Variants in MYO3B observed in about 807,000 individuals in gnomAD.
MYO3B encodes myosin IIIB, also known as myosin-IIIb.
Under a neutral mutation model 174.6 loss-of-function variants are expected in MYO3B, and 156 were observed. The ratio of observed to expected loss-of-function variants is 0.89; its 90% confidence interval spans 0.78 to 1.02. The LOEUF (loss-of-function observed/expected upper bound fraction) is 1.02. MYO3B is among the 50% of genes least tolerant of loss of function. The pLI, the probability that MYO3B is intolerant of heterozygous loss-of-function variation, is 0.00. For missense variants in MYO3B, 1,632 were observed against 1,639.4 expected, an observed-to-expected ratio of 1.00 and a Z score of 0.08; for synonymous variants, 563 against 569.1, an observed-to-expected ratio of 0.99 and a Z score of 0.15.
At chr2:170,356,964 G>A (rs2094126798) in intron 8 of MYO3B, among the ~76,000 whole-genome samples, 2 of 151,660 alleles carry the variant, frequency 1.3e-5, no homozygotes, top group East Asian at 3.9e-4. Flanking sequence ...AATATTTTTG[G>A]TAGAGACAGG....
intron 8 of MYO3B, among the ~76,000 whole-genome samples, chr2:170,363,122 T>C (rs1029692238): frequency 6.6e-6 from 1 of 152,116 alleles, no homozygotes; most frequent in Admixed American, 6.6e-5. Flanking sequence ...CCAAAATGTT[T>C]AGATCTTCTG....
intron 3 of MYO3B, among the ~76,000 whole-genome samples, chr2:170,204,998 T>C: frequency 6.6e-6 from 1 of 152,190 alleles, no homozygotes; most frequent in East Asian, 1.9e-4. Context: ...AGGCTGCCCT[T>C]GAAAACCTTG....
At chr2:170,274,324 T>C (rs1250157381) in intron 7 of MYO3B, among the ~76,000 whole-genome samples, 2 of 152,208 alleles carry the variant, frequency 1.3e-5, no homozygotes, top group African/African-American at 4.8e-5. Flanking sequence ...TAATTTTGGG[T>C]TCTCAGATTC....
At chr2:170,228,719 T>C (rs900110899) in intron 6 of MYO3B, among the ~76,000 whole-genome samples, 1 of 152,148 alleles carries the variant, frequency 6.6e-6, no homozygotes, top group African/African-American at 2.4e-5. Flanking sequence ...TGAACCTGGC[T>C]TTATTTCTCT....
rs1574877317 is a variant in MYO3B at position 170,377,417 on chromosome 2, C to G, written c.972-4599C>G. ...CTGTTGTCTTAGGGGAACTCCCAGC[C>G]TCTACCTCTGGCTCTGTCTTTCCCG... On this transcript the variant is annotated intron_variant, in intron 9 of 34. Transcript: ENST00000408978. Among the ~76,000 whole-genome samples the G allele has an allele frequency of 3.3e-5, 5 of 152,240 alleles. No homozygotes were observed. The South Asian group carries it at 1.0e-3, about 32-fold the overall frequency.
chr2:170,566,012 A>C (rs1459991714), intron 32 of MYO3B, among the ~76,000 whole-genome samples: 1 of 152,190 alleles, frequency 6.6e-6, no homozygotes, highest in Non-Finnish European at 1.5e-5. Context: ...AAAATCCCCA[A>C]ACCTTTGTTG....
intron 30 of MYO3B, among the ~76,000 whole-genome samples, chr2:170,525,384 G>A (rs1382670599): frequency 6.6e-6 from 1 of 152,186 alleles, no homozygotes; most frequent in Non-Finnish European, 1.5e-5. Context: ...TTTTAATGCT[G>A]ATAAATACAA....
At chr2:170,227,859 C>G (rs549476825) in intron 6 of MYO3B, among the ~76,000 whole-genome samples, 3 of 152,248 alleles carry the variant, frequency 2.0e-5, no homozygotes, top group African/African-American at 7.2e-5. Flanking sequence ...AGTTCTATCC[C>G]CTACTAGCTG....
chr2:170,292,609 C>T (rs919122430), intron 7 of MYO3B, among the ~76,000 whole-genome samples: 10 of 151,882 alleles, frequency 6.6e-5, no homozygotes, highest in Non-Finnish European at 5.9e-5. Flanking sequence ...TCCTTTTTGC[C>T]TCTAGGTGGT....
chr2:170,501,633 C>T (rs1449087165), intron 27 of MYO3B, 152 bp from the exon 28 acceptor site: 3 of 575,208 alleles, frequency 5.2e-6, no homozygotes, highest in Non-Finnish European at 6.2e-6. Context: ...CTCTTCTCGC[C>T]ATAGATCACA....
In MYO3B at chr2:170,578,295, C is replaced by T. The variant is rs998595537; in HGVS notation, c.3733+34307C>T. 7.2e-5 allele frequency among the ~76,000 whole-genome samples: 11 copies of T among 152,248 alleles called. No homozygotes were observed. The East Asian group carries it at 1.4e-3, about 19-fold the overall frequency. On this transcript the variant is annotated intron_variant, in intron 32 of 34. Transcript: ENST00000408978. ...ACATTGTTTGTGGGGAGGAGGAAGGCGGGGCCAAAAGGGTGACCACTCAGA... is the reference window on the plus strand; with the variant it reads ...ACATTGTTTGTGGGGAGGAGGAAGGTGGGGCCAAAAGGGTGACCACTCAGA...
intron 6 of MYO3B, among the ~76,000 whole-genome samples, chr2:170,228,675 G>C (rs1410164777): frequency 6.6e-6 from 1 of 152,146 alleles, no homozygotes; most frequent in East Asian, 1.9e-4. Flanking sequence ...TGGGAAGCTG[G>C]TGTAGTGTAA....
At chr2:170,226,206 T>C (rs1437147532) in intron 6 of MYO3B, among the ~76,000 whole-genome samples, 1 of 152,184 alleles carries the variant, frequency 6.6e-6, no homozygotes, top group Non-Finnish European at 1.5e-5. Context: ...GTCATATCAC[T>C]GTGAGGAATG....
chr2:170,182,927 T>C (rs2092419936), intron 1 of MYO3B, among the ~76,000 whole-genome samples: 1 of 151,908 alleles, frequency 6.6e-6, no homozygotes. Flanking sequence ...TTTAATTTTC[T>C]AATGAAGTTT....
chr2:170,602,252 G>C (rs1339817159), intron 32 of MYO3B: 4 of 856,052 alleles, frequency 4.7e-6, no homozygotes, highest in Non-Finnish European at 5.9e-6. Context: ...TCCTCAGCGA[G>C]GCACACAGTC....
chr2:170,407,090 T>C (rs1378524344), intron 21 of MYO3B, among the ~76,000 whole-genome samples: 1 of 152,234 alleles, frequency 6.6e-6, no homozygotes, highest in Admixed American at 6.5e-5. Context: ...CCTCATAGGA[T>C]GGATGCTTTG....
intron 7 of MYO3B, chr2:170,331,943 T>C (rs1457908536): frequency 2.0e-5 from 3 of 152,234 alleles, no homozygotes; most frequent in African/African-American, 7.2e-5. Flanking sequence ...AAAAGACTCA[T>C]GTGATTAAGT....
chr2:170,630,275 G>A (rs972379568), intron 32 of MYO3B, among the ~76,000 whole-genome samples: 1 of 152,186 alleles, frequency 6.6e-6, no homozygotes, highest in Non-Finnish European at 1.5e-5. Context: ...GGCGCAGTGG[G>A]TCCCACCCCC....
At chr2:170,604,733 CA>C (rs150120728) in intron 32 of MYO3B, among the ~76,000 whole-genome samples, 5,147 of 152,192 alleles carry the variant, frequency 0.034, 310 homozygotes, top group African/African-American at 0.12. Flanking sequence ...AATTTCCTTC[CA>C]GAAATGTGGG....
Sources: allele counts gnomAD v4.1 joint callset (sites outside exome capture counted in the v4.1 genomes callset), GRCh38; gene constraint gnomAD v4.1.1; transcripts MANE v1.5; gene names NCBI Gene and HGNC (gene_info 2026-07-23, HGNC 2026-07-21).